Variants in FOXO1 observed in about 807,000 individuals in gnomAD.
FOXO1 encodes the protein forkhead box O1, also known as forkhead box protein O1.
Under a neutral mutation model 44.1 loss-of-function variants are expected in FOXO1, and 6 were observed. The ratio of observed to expected loss-of-function variants is 0.14; its 90% CI spans 0.07 to 0.27. The LOEUF is 0.27. FOXO1 is among the 10% of genes least tolerant of loss of function. The pLI, the probability that FOXO1 is intolerant of heterozygous loss-of-function variation, is 1.00. For synonymous variants in FOXO1, 380 were observed against 362.7 expected (o/e 1.05, Z -0.54); for missense variants, 737 against 888.8 (o/e 0.83, Z 2.17).
intron 1 of FOXO1, among the ~76,000 whole-genome samples, chr13:40,628,721 A>G (rs1418922363): frequency 1.3e-5 from 2 of 152,212 alleles, no homozygotes; most frequent in Non-Finnish European, 2.9e-5. Flanking sequence ...GGGAGGTAAC[A>G]ATGGTATAGA....
intron 1 of FOXO1, among the ~76,000 whole-genome samples, chr13:40,654,541 A>G (rs752104888): frequency 6.6e-6 from 1 of 151,450 alleles, no homozygotes; most frequent in Non-Finnish European, 1.5e-5. Context: ...GACAAACATC[A>G]TCTAGGGAGA....
rs745539929 is a variant in FOXO1, at chr13:40,639,066, T to A, written c.630+26517A>T. 1.7e-4 allele frequency among the ~76,000 whole-genome samples: 26 copies of A among 152,026 alleles called. 1 individual carries two copies. Among genetic ancestry groups the A allele is most frequent in the Non-Finnish European group, 1.9e-4 (13 of 67,986 alleles). On this transcript the variant is annotated intron_variant, in intron 1 of 2. Transcript: ENST00000379561. ...AAAATTAGCCAGGTGTGGTGGTGCG[T>A]GCCTGTAATCCCAGCTACTTGGGAG...
rs528649207 is a variant in FOXO1, at chr13:40,640,309, T to C, written c.630+25274A>G. On this transcript the variant is annotated intron_variant, in intron 1 of 2. Coordinates refer to ENST00000379561, the MANE Select transcript of FOXO1 (RefSeq NM_002015.4). ...GGAAAGGGAGGGACGATGAACATTA[T>C]TTGGAAGCAGAGTCCTAAGCCAAGC... is the stretch of plus-strand genomic sequence containing the variant. 3.9e-5 allele frequency among the ~76,000 whole-genome samples: 6 copies of C among 152,324 alleles called. No homozygotes were observed. In the East Asian group the frequency reaches 1.2e-3, roughly 29 times the overall value.
chr13:40,664,141 C>T (rs1158189082), intron 1 of FOXO1, among the ~76,000 whole-genome samples: 1 of 152,158 alleles, frequency 6.6e-6, no homozygotes, highest in Non-Finnish European at 1.5e-5. Context: ...GACGTGGTGG[C>T]TCGTGCCTGT....
rs563941460 is a variant in FOXO1 at position 40,619,498 on chromosome 13, T to C, written c.630+46085A>G. 2.1e-5 allele frequency: 28 copies of C among 1,328,216 alleles called. No homozygotes were observed. In the East Asian group the frequency reaches 5.4e-4, roughly 26 times the overall value. The allele number at this position is 1,328,216 out of a possible 1,614,324, so 82.3% of individuals were successfully genotyped here. ...GAACAGTGGAGAGTTTCGGTTTAGT[T>C]TGGAAATCCACATAAATCATGAAAA... On this transcript the variant is annotated intron_variant, in intron 1 of 2. Transcript: ENST00000379561.
intron 1 of FOXO1, chr13:40,620,265 T>C: frequency 1.5e-5 from 19 of 1,258,228 alleles, no homozygotes; most frequent in Non-Finnish European, 2.1e-5. Flanking sequence ...AAAATAGAGA[T>C]CAGGACAGTA....
At chr13:40,561,079 G>A (rs1368719356) in intron 1 of FOXO1, among the ~76,000 whole-genome samples, 1 of 152,164 alleles carries the variant, frequency 6.6e-6, no homozygotes, top group Non-Finnish European at 1.5e-5. Context: ...GTGGCTGGGT[G>A]CGGTGGCTCA....
chr13:40,646,292 C>CTTTT (rs199747779), intron 1 of FOXO1, among the ~76,000 whole-genome samples: 1 of 129,874 alleles, frequency 7.7e-6, no homozygotes, highest in Non-Finnish European at 1.6e-5. Context: ...CTTCTGTGAC[C>CTTTT]TTTTTTTTTT....
chr13:40,582,234 G>A (rs1874983885), intron 1 of FOXO1, among the ~76,000 whole-genome samples: 1 of 152,128 alleles, frequency 6.6e-6, no homozygotes, highest in Non-Finnish European at 1.5e-5. Flanking sequence ...AAAAAATAAT[G>A]TACACATCTT....
At chr13:40,663,951 TGA>T (rs1339034093) in intron 1 of FOXO1, among the ~76,000 whole-genome samples, 1 of 152,164 alleles carries the variant, frequency 6.6e-6, no homozygotes, top group Non-Finnish European at 1.5e-5. Flanking sequence ...GAGTCCAATA[TGA>T]GAGGCGAAGA....
intron 1 of FOXO1, among the ~76,000 whole-genome samples, chr13:40,584,552 G>A (rs1055207900): frequency 6.6e-6 from 1 of 150,912 alleles, no homozygotes; most frequent in African/African-American, 2.4e-5. Context: ...GGAGGCTGAG[G>A]TAGGAGGATC....
chr13:40,631,387 C>A (rs1444254286), intron 1 of FOXO1, among the ~76,000 whole-genome samples: 1 of 152,244 alleles, frequency 6.6e-6, no homozygotes, highest in Non-Finnish European at 1.5e-5. Flanking sequence ...TCTTTCCGAT[C>A]TTGGATTAGG....
At chr13:40,622,068 A>G (rs1876633441) in intron 1 of FOXO1, among the ~76,000 whole-genome samples, 1 of 152,254 alleles carries the variant, frequency 6.6e-6, no homozygotes, top group Non-Finnish European at 1.5e-5. Context: ...CAAGCAATAT[A>G]TAATACTGAA....
Position 40,628,387 on chromosome 13 carries a change from A to ACACACACACC in FOXO1, c.630+37195_630+37196insGGTGTGTGTG, listed in dbSNP as rs1445854283. ...CACACACACACACACACACACACACACACCCCGTGAGGGTTTCAGTCTTCC... is the reference window on the plus strand; with the variant it reads ...CACACACACACACACACACACACACACACACACACCCACCCCGTGAGGGTTTCAGTCTTCC... On this transcript the variant is annotated intron_variant, in intron 1 of 2. Transcript: ENST00000379561. Among the ~76,000 whole-genome samples the ACACACACACC allele has an allele frequency of 6.0e-3, 914 of 151,256 alleles. 16 individuals carry two copies. The highest frequency in any genetic ancestry group is 0.021 in the African/African-American group (865 of 41,046).
chr13:40,577,835 T>G lies in FOXO1; in HGVS notation c.631-16975A>C, dbSNP rs151243799. Among the ~76,000 whole-genome samples the G allele has an allele frequency of 1.4e-3, 206 of 152,296 alleles. 2 individuals are homozygous for G. The highest frequency in any genetic ancestry group is 4.7e-3 in the African/African-American group (195 of 41,564). On this transcript the variant is annotated intron_variant, in intron 1 of 2. Coordinates refer to ENST00000379561, the MANE Select transcript of FOXO1 (RefSeq NM_002015.4). Reference sequence around the variant, plus strand: ...AGAATGAACAGAAGAGGAGAAAAGATAGATCAAGGGTGATATCCATGACCA... The same window carrying G: ...AGAATGAACAGAAGAGGAGAAAAGAGAGATCAAGGGTGATATCCATGACCA...
chr13:40,645,414 T>C (rs1877478633), intron 1 of FOXO1, among the ~76,000 whole-genome samples: 1 of 152,248 alleles, frequency 6.6e-6, no homozygotes, highest in South Asian at 2.1e-4. Context: ...ATTCTCCTTG[T>C]GGATTTCCTC....
At chr13:40,580,047 T>C (rs562492901) in intron 1 of FOXO1, among the ~76,000 whole-genome samples, 1 of 152,222 alleles carries the variant, frequency 6.6e-6, no homozygotes, top group African/African-American at 2.4e-5. Flanking sequence ...GTGAATATAA[T>C]GGGGCTTTTT....
chr13:40,661,945 A>C (rs1878048249), intron 1 of FOXO1, among the ~76,000 whole-genome samples: 1 of 152,072 alleles, frequency 6.6e-6, no homozygotes, highest in South Asian at 2.1e-4. Flanking sequence ...AGATCAAGGC[A>C]GGCAGATCAC....
chr13:40,608,509 G>C (rs1047865631), intron 1 of FOXO1, among the ~76,000 whole-genome samples: 1 of 152,182 alleles, frequency 6.6e-6, no homozygotes, highest in Non-Finnish European at 1.5e-5. Flanking sequence ...GGGGTTATTT[G>C]TTATGGAGCA....
Sources: allele counts gnomAD v4.1 joint callset (sites outside exome capture counted in the v4.1 genomes callset), GRCh38; gene constraint gnomAD v4.1.1; transcripts MANE v1.5; gene names NCBI Gene and HGNC (gene_info 2026-07-23, HGNC 2026-07-21).